Variants in CCDC92B observed in about 807,000 individuals in gnomAD.
The protein encoded by CCDC92B is coiled-coil domain-containing 92B.
In CCDC92B, 2 loss-of-function variants were observed where a neutral mutation model predicts 5.6. The ratio of observed to expected loss-of-function variants is 0.36; its 90% CI spans 0.15 to 1.12. CCDC92B has a LOEUF of 1.12. Among genes scored for constraint, CCDC92B ranks in the 50% most tolerant of loss-of-function variants. CCDC92B has a pLI of 0.40. For missense variants in CCDC92B, 271 were observed against 262.2 expected, an observed-to-expected ratio of 1.03 and a Z score of -0.23; for synonymous variants, 115 against 122.3, an observed-to-expected ratio of 0.94 and a Z score of 0.39.
chr17:2,737,900 A>G (rs1393695611), intron 1 of CCDC92B, among the ~76,000 whole-genome samples: 1 of 150,708 alleles, frequency 6.6e-6, no homozygotes, highest in Non-Finnish European at 1.5e-5. Flanking sequence ...TCTGCCAACC[A>G]CTCTTCAGCG....
At chr17:2,725,364 CACA>C (rs1158008197) in intron 3 of CCDC92B, among the ~76,000 whole-genome samples, 12 of 152,084 alleles carry the variant, frequency 7.9e-5, no homozygotes, top group Admixed American at 6.6e-4. Context: ...GCCTAGGTGA[CACA>C]ACGAGATTCC....
At chr17:2,733,962 GTTGGCCAGGCTGGTC>G (rs1374956253) in intron 2 of CCDC92B, among the ~76,000 whole-genome samples, 1 of 151,580 alleles carries the variant, frequency 6.6e-6, no homozygotes, top group Non-Finnish European at 1.5e-5. Context: ...GTTTCGCCAC[GTTGGCCAGGCTGGTC>G]TTGAACTCCT....
chr17:2,724,989 G>T lies in CCDC92B; in HGVS notation c.190C>A (p.Arg64=), dbSNP rs894772157. Residue 64 remains arginine (R), a synonymous_variant, in exon 4 of 4, where the codon CGG becomes AGG. Coordinates refer to ENST00000614400, the MANE Select transcript of CCDC92B (RefSeq NM_001355573.2). The surrounding 1 kb of genome is among the most constrained non-coding windows in gnomAD (Gnocchi z 5.0). Reference sequence around the variant, plus strand: ...GCGCGGCACTTGCTCTCCAGCTCCCGGGACGCCGCCTCTGGAACGGGGCAG... The same window carrying T: ...GCGCGGCACTTGCTCTCCAGCTCCCTGGACGCCGCCTCTGGAACGGGGCAG... The part of the protein sequence containing the change: ...AQSHQQEAAS[R]ELESKCRALE... 6.1e-6 allele frequency: 6 copies of T among 985,328 alleles called. No individual in the cohort carries two copies. Among genetic ancestry groups the T allele is most frequent in the African/African-American group, 5.2e-5 (3 of 57,246 alleles). The allele number at this position is 985,328 out of a possible 1,614,324, so 61.0% of individuals were successfully genotyped here.
intron 1 of CCDC92B, among the ~76,000 whole-genome samples, chr17:2,737,433 CT>C (rs1160648868): frequency 6.6e-6 from 1 of 151,314 alleles, no homozygotes; most frequent in Non-Finnish European, 1.5e-5. Context: ...TGGTACTCCC[CT>C]GACCCCCCTA....
intron 1 of CCDC92B, among the ~76,000 whole-genome samples, chr17:2,744,931 T>C (rs1753336254): frequency 2.6e-5 from 4 of 151,096 alleles, no homozygotes; most frequent in Admixed American, 2.6e-4. Flanking sequence ...TAGCTGGGCG[T>C]GGTGGCGTGT....
intron 1 of CCDC92B, among the ~76,000 whole-genome samples, chr17:2,735,494 G>A (rs189427686): frequency 1.8e-4 from 27 of 152,176 alleles, no homozygotes; most frequent in Admixed American, 1.2e-3. Flanking sequence ...GCAGTGGCAC[G>A]ATCTTGGCTC....
At chr17:2,746,499 T>C (rs1375638298) in intron 1 of CCDC92B, among the ~76,000 whole-genome samples, 1 of 151,904 alleles carries the variant, frequency 6.6e-6, no homozygotes, top group African/African-American at 2.4e-5. Flanking sequence ...ACGGGTAGAG[T>C]GTCAGACTCA....
In CCDC92B at chr17:2,723,625, C is replaced by T. The variant is rs896729343; in HGVS notation, c.*786G>A. Reference sequence around the variant, plus strand: ...GAAGACAGCTCCTGCCTTCCAGAAGCCTGGCCAGCAGCAGGCCTGTCACCT... The same window carrying T: ...GAAGACAGCTCCTGCCTTCCAGAAGTCTGGCCAGCAGCAGGCCTGTCACCT... On this transcript the variant is annotated 3_prime_UTR_variant, in exon 4 of 4. Coordinates refer to ENST00000614400, the MANE Select transcript of CCDC92B (RefSeq NM_001355573.2). 3 of 152,404 alleles carry T rather than the reference C, an allele frequency of 2.0e-5. No individual in the cohort carries two copies. The highest frequency in any genetic ancestry group is 1.9e-4 in the East Asian group (1 of 5,186). The allele number at this position is 152,404 out of a possible 1,614,324, so 9.4% of individuals were successfully genotyped here.
chr17:2,748,111 G>T lies in CCDC92B; in HGVS notation c.-24+1300C>A, dbSNP rs77498226. ...CATAAGAGAATCCCAAAGGGGAGAA[G>T]ATCAGCCTGCATTTAGCAGTCCACA... On this transcript the variant is annotated intron_variant, in intron 1 of 3. Coordinates refer to ENST00000614400, the MANE Select transcript of CCDC92B (RefSeq NM_001355573.2). 4.9e-4 allele frequency: 258 copies of T among 529,872 alleles called. No individual in the cohort carries two copies. The East Asian group carries it at 0.01, about 21-fold the overall frequency. The allele number at this position is 529,872 out of a possible 1,614,324, so 32.8% of individuals were successfully genotyped here.
rs567221259 is a variant in CCDC92B, at chr17:2,737,034, T to A, written c.-23-1866A>T. Among the ~76,000 whole-genome samples, 7 of 150,948 alleles carry A rather than the reference T, an allele frequency of 4.6e-5. No individual in the cohort carries two copies. In the South Asian group the frequency reaches 1.5e-3, roughly 31 times the overall value. On this transcript the variant is annotated intron_variant, in intron 1 of 3. Coordinates refer to ENST00000614400, the MANE Select transcript of CCDC92B (RefSeq NM_001355573.2). ...TGCAGTGATGGATGAGAGCCATGCA[T>A]CCCTGAATCCTAATGATGGCCTGGC...
At position 2,737,821 on chromosome 17, in the gene CCDC92B, G is replaced by A. The variant is rs891803009; in HGVS notation, c.-23-2653C>T. Among the ~76,000 whole-genome samples the A allele has an allele frequency of 4.6e-5, 7 of 151,984 alleles. No individual in the cohort carries two copies. In the South Asian group the frequency reaches 1.2e-3, roughly 27 times the overall value. On this transcript the variant is annotated intron_variant, in intron 1 of 3. Transcript: ENST00000614400. ...TCAGCAAGGGGTGGCCCTTTGGCCT[G>A]TGGGGATCGCTGGCTACATGTGCTG...
chr17:2,744,990 G>A (rs949674207), intron 1 of CCDC92B, among the ~76,000 whole-genome samples: 10 of 149,710 alleles, frequency 6.7e-5, no homozygotes, highest in African/African-American at 1.7e-4. Context: ...ACTTGAGCCC[G>A]GGAGTTTGAG....
chr17:2,737,839 A>G (rs1469556307), intron 1 of CCDC92B, among the ~76,000 whole-genome samples: 4 of 151,856 alleles, frequency 2.6e-5, no homozygotes, highest in Non-Finnish European at 4.4e-5. Context: ...CGCTGGCTAC[A>G]TGTGCTGACC....
intron 1 of CCDC92B, among the ~76,000 whole-genome samples, chr17:2,749,006 C>T (rs556802266): frequency 1.3e-5 from 2 of 152,240 alleles, no homozygotes; most frequent in South Asian, 4.1e-4. Flanking sequence ...GAAACTGGAG[C>T]CCCCCACCCC....
At position 2,739,152 on chromosome 17, in the gene CCDC92B, G is replaced by C. The variant is rs200223963; in HGVS notation, c.-23-3984C>G. On this transcript the variant is annotated intron_variant, in intron 1 of 3. Transcript: ENST00000614400. ...GGAGGCCAAGGTGGGCGGATCACGA[G>C]GTCAGGAGATCGAGACCATCCTGGC... Among the ~76,000 whole-genome samples, 73 of 151,622 alleles carry C rather than the reference G, an allele frequency of 4.8e-4. 2 individuals carry two copies. The East Asian group carries it at 0.014, about 29-fold the overall frequency.
chr17:2,742,815 C>G (rs1567618558), intron 1 of CCDC92B, among the ~76,000 whole-genome samples: 1 of 152,178 alleles, frequency 6.6e-6, no homozygotes, highest in Non-Finnish European at 1.5e-5. Context: ...CTTCTGCAAA[C>G]CAGGTCTTGA....
chr17:2,731,916 G>C (rs978664998), intron 2 of CCDC92B, among the ~76,000 whole-genome samples: 1 of 152,230 alleles, frequency 6.6e-6, no homozygotes, highest in African/African-American at 2.4e-5. Context: ...TGGGGGTAGG[G>C]AGATAAAAAT....
chr17:2,730,584 A>C (rs537313744), intron 2 of CCDC92B, 91 bp from the exon 3 acceptor site: 1 of 543,658 alleles, frequency 1.8e-6, no homozygotes, highest in African/African-American at 2.4e-5. Context: ...AGAGAGAGAG[A>C]GATCATGGAA....
intron 3 of CCDC92B, among the ~76,000 whole-genome samples, chr17:2,727,461 G>C (rs1320806045): frequency 6.6e-6 from 1 of 152,210 alleles, no homozygotes; most frequent in African/African-American, 2.4e-5. Flanking sequence ...TGGCACAGGT[G>C]AGTGTAGGGA....
Sources: allele counts gnomAD v4.1 joint callset (sites outside exome capture counted in the v4.1 genomes callset), GRCh38; gene constraint gnomAD v4.1.1; non-coding constraint Gnocchi (gnomAD v3.1); transcripts MANE v1.5; gene names NCBI Gene and HGNC (gene_info 2026-07-23, HGNC 2026-07-21).